CBLN2: variants seen among roughly 807,000 people sequenced by gnomAD.
CBLN2 encodes the protein cerebellin 2 precursor.
A neutral mutation model predicts 15.0 loss-of-function variants in CBLN2; 7 were observed. The observed-to-expected ratio is 0.47, with a 90% confidence interval of 0.27 to 0.88. The LOEUF (loss-of-function observed/expected upper bound fraction) is 0.88, where lower values mean the gene tolerates loss of function less well. Among genes scored for constraint, CBLN2 ranks in the 40% least tolerant of loss-of-function variants. The pLI is 0.14. For synonymous variants in CBLN2, 149 were observed against 135.2 expected, an observed-to-expected ratio of 1.10 and a Z score of -0.71; for missense variants, 242 against 304.5, an observed-to-expected ratio of 0.79 and a Z score of 1.53.
At position 72,554,578 on chromosome 18, in the gene CBLN2, T is replaced by C. The variant is rs10432247; in HGVS notation, c.16-15806A>G. Among the ~76,000 whole-genome samples, 4,484 of 145,836 alleles carry C rather than the reference T, an allele frequency of 0.031. 621 individuals carry two copies. The East Asian group carries it at 0.47, about 15-fold the overall frequency. On this transcript the variant is annotated intron_variant, in intron 1 of 2. Coordinates refer to the CBLN2 transcript ENST00000581073. Reference sequence around the variant, plus strand: ...CCATATTATATCCTATATTTGTCAATTAAACATCTTTAAAGTGGTTCATAT... The same window carrying C: ...CCATATTATATCCTATATTTGTCAACTAAACATCTTTAAAGTGGTTCATAT...
intron 1 of CBLN2, among the ~76,000 whole-genome samples, chr18:72,617,877 T>C (rs978930577): frequency 6.6e-5 from 10 of 151,892 alleles, no homozygotes; most frequent in Middle Eastern, 3.2e-3. Flanking sequence ...GAGTTTTTGT[T>C]AAGAAAAAAG....
intron 1 of CBLN2, among the ~76,000 whole-genome samples, chr18:72,629,899 T>C (rs115286874): frequency 1.6e-3 from 237 of 152,336 alleles, no homozygotes; most frequent in African/African-American, 5.6e-3. Flanking sequence ...TTTATATTTA[T>C]ATTTTTTATA....
At chr18:72,564,784 T>A (rs1426573615) in intron 1 of CBLN2, among the ~76,000 whole-genome samples, 1 of 152,134 alleles carries the variant, frequency 6.6e-6, no homozygotes, top group African/African-American at 2.4e-5. Context: ...GATGTGAACA[T>A]CCAGATCCAT....
intron 1 of CBLN2, among the ~76,000 whole-genome samples, chr18:72,581,678 T>TC (rs1266475682): frequency 1.7e-4 from 26 of 152,220 alleles, no homozygotes; most frequent in African/African-American, 5.3e-4. Context: ...TAACATCTTT[T>TC]CCCCTCTTTA....
At chr18:72,598,049 T>A (rs1484886677) in intron 1 of CBLN2, among the ~76,000 whole-genome samples, 1 of 152,190 alleles carries the variant, frequency 6.6e-6, no homozygotes, top group African/African-American at 2.4e-5. Flanking sequence ...GTGGCTGATC[T>A]AGTACCCAAG....
chr18:72,611,017 T>C (rs891261254), intron 1 of CBLN2, among the ~76,000 whole-genome samples: 1 of 152,216 alleles, frequency 6.6e-6, no homozygotes, highest in Admixed American at 6.5e-5. Context: ...TCTGTGTTAA[T>C]TTGCTTAGGA....
In CBLN2 at chr18:72,565,808, CAATT is replaced by C. The variant is rs2069291144; in HGVS notation, c.16-27040_16-27037del. ...CACAGGTGACAAAAGCAAAAATAGACAATTAAATTTACATTGAACTCAAAAGCTC... is the reference window on the plus strand; with the variant it reads ...CACAGGTGACAAAAGCAAAAATAGACAAATTTACATTGAACTCAAAAGCTC... On this transcript the variant is annotated intron_variant, in intron 1 of 2. Transcript: ENST00000581073. Among the ~76,000 whole-genome samples, 4 of 152,106 alleles carry C rather than the reference CAATT, an allele frequency of 2.6e-5. No homozygotes were observed. In the South Asian group the frequency reaches 8.3e-4, roughly 32 times the overall value.
chr18:72,605,385 C>T (rs1365344401), intron 1 of CBLN2, among the ~76,000 whole-genome samples: 1 of 152,068 alleles, frequency 6.6e-6, no homozygotes, highest in Non-Finnish European at 1.5e-5. Flanking sequence ...GTTAACAGTG[C>T]CAGGCAAGTT....
upstream of CBLN2, among the ~76,000 whole-genome samples, chr18:72,545,168 C>G: frequency 6.6e-6 from 1 of 152,154 alleles, no homozygotes; most frequent in Non-Finnish European, 1.5e-5. Context: ...CATAGGCCCT[C>G]TCACCGCTAT....
Position 72,542,215 on chromosome 18 carries a change from C to G in CBLN2, c.-55G>C, listed in dbSNP as rs990304488. 54 of 1,128,818 alleles carry G rather than the reference C, an allele frequency of 4.8e-5. No individual in the cohort carries two copies. Among genetic ancestry groups the G allele is most frequent in the Non-Finnish European group, 5.4e-5 (49 of 913,062 alleles). 69.9% of individuals were successfully genotyped at this position (1,128,818 alleles called of 1,614,324 possible). On this transcript the variant is annotated 5_prime_UTR_variant, in exon 3 of 5. Transcript: ENST00000269503. ...TGGAGGCCGGCGCCGGCGCGAGCGGCGCGGAAGGGCGCGAAGGAACGCGCG... is the reference window on the plus strand; with the variant it reads ...TGGAGGCCGGCGCCGGCGCGAGCGGGGCGGAAGGGCGCGAAGGAACGCGCG...
intron 1 of CBLN2, among the ~76,000 whole-genome samples, chr18:72,558,879 C>A (rs1455207584): frequency 3.9e-5 from 6 of 152,108 alleles, no homozygotes; most frequent in East Asian, 1.9e-4. Flanking sequence ...CATGGCAAAA[C>A]CCTGTCTCTA....
chr18:72,613,472 T>A (rs547904787), intron 1 of CBLN2, among the ~76,000 whole-genome samples: 50 of 143,186 alleles, frequency 3.5e-4, no homozygotes, highest in Non-Finnish European at 6.6e-4. Flanking sequence ...GTAATAGGTA[T>A]CTTTTTTTCT....
At chr18:72,603,512 C>T (rs1371023013) in intron 1 of CBLN2, among the ~76,000 whole-genome samples, 2 of 152,146 alleles carry the variant, frequency 1.3e-5, no homozygotes, top group South Asian at 2.1e-4. Flanking sequence ...CCTTAAAATG[C>T]TAATTCAAGC....
In CBLN2 at chr18:72,576,197, G is replaced by T. The variant is rs190695836; in HGVS notation, c.16-37425C>A. Among the ~76,000 whole-genome samples, 3 of 152,288 alleles carry T rather than the reference G, an allele frequency of 2.0e-5. No homozygotes were observed. In the East Asian group the frequency reaches 5.8e-4, roughly 29 times the overall value. ...TTCTCTGCTGGCCTTAGAACATGTG[G>T]TTTATTAATGGTGACTTTGCTTCCT... On this transcript the variant is annotated intron_variant, in intron 1 of 2. Coordinates refer to the CBLN2 transcript ENST00000581073.
At chr18:72,602,062 A>G (rs1319445430) in intron 1 of CBLN2, among the ~76,000 whole-genome samples, 5 of 152,078 alleles carry the variant, frequency 3.3e-5, no homozygotes, top group Non-Finnish European at 7.4e-5. Flanking sequence ...ATCTGGGCTC[A>G]CTGGCAGACT....
At chr18:72,624,904 G>A (rs2069724676) in intron 1 of CBLN2, among the ~76,000 whole-genome samples, 1 of 152,096 alleles carries the variant, frequency 6.6e-6, no homozygotes, top group Non-Finnish European at 1.5e-5. Context: ...AAAGAGGCTG[G>A]TATTAAATCC....
chr18:72,628,626 G>C (rs2069755951), intron 1 of CBLN2, among the ~76,000 whole-genome samples: 1 of 152,192 alleles, frequency 6.6e-6, no homozygotes, highest in Non-Finnish European at 1.5e-5. Flanking sequence ...GAGAGCCAAA[G>C]GGACATGTCA....
chr18:72,593,822 T>C (rs1259859619), intron 1 of CBLN2, among the ~76,000 whole-genome samples: 8 of 152,132 alleles, frequency 5.3e-5, no homozygotes, highest in Admixed American at 5.2e-4. Context: ...AATTTGCATA[T>C]GTCATGCATG....
At chr18:72,596,807 A>G (rs923724996) in intron 1 of CBLN2, among the ~76,000 whole-genome samples, 4 of 152,042 alleles carry the variant, frequency 2.6e-5, no homozygotes, top group Admixed American at 2.0e-4. Flanking sequence ...GCTCCATTGA[A>G]TATTATTTGT....
Sources: allele counts gnomAD v4.1 joint callset (sites outside exome capture counted in the v4.1 genomes callset), GRCh38; gene constraint gnomAD v4.1.1; transcripts MANE v1.5; gene names NCBI Gene and HGNC (gene_info 2026-07-23, HGNC 2026-07-21).